SLC38A6: variants seen among roughly 807,000 people sequenced by gnomAD.
SLC38A6 encodes N system amino acid transporter NAT-1.
A neutral mutation model predicts 65.0 loss-of-function variants in SLC38A6; 73 were observed. The ratio of observed to expected loss-of-function variants is 1.12; its 90% CI spans 0.93 to 1.37. The LOEUF is 1.37. Ranked by LOEUF, SLC38A6 falls within the 40% of genes most tolerant of loss-of-function variation. SLC38A6 has a pLI of 0.00. For missense variants in SLC38A6, 561 were observed against 531.1 expected (o/e 1.06, Z -0.55); for synonymous variants, 183 against 178.8 (o/e 1.02, Z -0.19).
intron 15 of SLC38A6, among the ~76,000 whole-genome samples, chr14:61,077,285 C>T (rs2043454965): frequency 6.6e-6 from 1 of 152,138 alleles, no homozygotes; most frequent in African/African-American, 2.4e-5. Flanking sequence ...GTAAAGATTT[C>T]TTCACTTCTA....
intron 3 of SLC38A6, among the ~76,000 whole-genome samples, chr14:61,003,557 T>A (rs1338651136): frequency 6.6e-6 from 1 of 152,218 alleles, no homozygotes; most frequent in Admixed American, 6.5e-5. Flanking sequence ...ATTTCAACAG[T>A]CAATACCAGT....
chr14:61,029,973 C>T (rs1165609045), intron 5 of SLC38A6, among the ~76,000 whole-genome samples: 1 of 152,108 alleles, frequency 6.6e-6, no homozygotes, highest in Non-Finnish European at 1.5e-5. Context: ...AATGAGACTT[C>T]TCTGTTGTGG....
chr14:61,044,053 T>C (rs1407152561), intron 10 of SLC38A6, among the ~76,000 whole-genome samples: 1 of 152,112 alleles, frequency 6.6e-6, no homozygotes, highest in Non-Finnish European at 1.5e-5. Context: ...ATACTGGAAA[T>C]GCCTGTAAGA....
chr14:61,074,374 A>G (rs11623321), intron 15 of SLC38A6, among the ~76,000 whole-genome samples: 73 of 152,336 alleles, frequency 4.8e-4, no homozygotes, highest in Admixed American at 1.5e-3. Flanking sequence ...ATAGCTCTGG[A>G]AGCTGGGAAG....
chr14:60,995,226 CTAAG>C (rs959855852), intron 3 of SLC38A6, among the ~76,000 whole-genome samples: 1 of 152,150 alleles, frequency 6.6e-6, no homozygotes, highest in Non-Finnish European at 1.5e-5. Context: ...GAGAAACAAC[CTAAG>C]TGTCAGTAAG....
intron 3 of SLC38A6, among the ~76,000 whole-genome samples, chr14:61,012,220 G>A (rs1041063546): frequency 5.9e-5 from 9 of 152,090 alleles, no homozygotes; most frequent in East Asian, 1.9e-4. Flanking sequence ...CTGTGGGATC[G>A]GTGGTGATAT....
intron 3 of SLC38A6, among the ~76,000 whole-genome samples, chr14:60,989,449 T>A: frequency 6.6e-6 from 1 of 152,164 alleles, no homozygotes; most frequent in South Asian, 2.1e-4. Flanking sequence ...CCAGGCCAGG[T>A]GTGGTGTCTC....
intron 15 of SLC38A6, among the ~76,000 whole-genome samples, chr14:61,070,748 C>T (rs773381688): frequency 1.4e-4 from 22 of 152,144 alleles, no homozygotes; most frequent in Non-Finnish European, 1.6e-4. Flanking sequence ...TAATGATCAT[C>T]CTAACAGGTG....
chr14:61,053,708 A>G (rs1479509205), downstream of SLC38A6, among the ~76,000 whole-genome samples: 2 of 152,118 alleles, frequency 1.3e-5, no homozygotes, highest in African/African-American at 2.4e-5. Flanking sequence ...GTGTCTGTTC[A>G]TGTCCTTTGC....
At chr14:61,027,493 T>A (rs1035690245) in intron 5 of SLC38A6, among the ~76,000 whole-genome samples, 1 of 152,164 alleles carries the variant, frequency 6.6e-6, no homozygotes, top group African/African-American at 2.4e-5. Context: ...CACTTTCTTA[T>A]GCCATTTATA....
intron 3 of SLC38A6, among the ~76,000 whole-genome samples, chr14:61,007,788 T>A (rs1408957829): frequency 3.3e-5 from 5 of 152,068 alleles, no homozygotes; most frequent in Non-Finnish European, 7.4e-5. Context: ...AATTAGAAAA[T>A]GATATGTACA....
intron 3 of SLC38A6, among the ~76,000 whole-genome samples, chr14:61,005,911 T>TA (rs1375261684): frequency 1.3e-5 from 2 of 152,150 alleles, no homozygotes; most frequent in Non-Finnish European, 2.9e-5. Context: ...GGCATCACGC[T>TA]ACCTGACTTC....
At chr14:61,013,781 T>A (rs2139511663) in intron 3 of SLC38A6, among the ~76,000 whole-genome samples, 1 of 152,316 alleles carries the variant, frequency 6.6e-6, no homozygotes, top group South Asian at 2.1e-4. Flanking sequence ...CTTCCCATTG[T>A]GGGTAACCCG....
At chr14:61,068,490 C>G (rs2043106798) in intron 15 of SLC38A6, among the ~76,000 whole-genome samples, 1 of 152,142 alleles carries the variant, frequency 6.6e-6, no homozygotes, top group African/African-American at 2.4e-5. Context: ...GGCCTTTCTG[C>G]CCCTGGAACA....
intron 15 of SLC38A6, among the ~76,000 whole-genome samples, chr14:61,068,288 C>T (rs1451750756): frequency 6.6e-6 from 1 of 152,184 alleles, no homozygotes; most frequent in African/African-American, 2.4e-5. Context: ...CTGCTACCTA[C>T]AGTCCACTTT....
downstream of SLC38A6, among the ~76,000 whole-genome samples, chr14:61,054,658 T>C (rs991197526): frequency 6.6e-6 from 1 of 152,222 alleles, no homozygotes; most frequent in African/African-American, 2.4e-5. Flanking sequence ...ATTGTCTGAT[T>C]TGGCTCTCAG....
At chr14:60,998,299 C>T (rs1042556693) in intron 3 of SLC38A6, among the ~76,000 whole-genome samples, 25 of 151,798 alleles carry the variant, frequency 1.6e-4, no homozygotes, top group African/African-American at 6.1e-4. Context: ...ATCCTGTACC[C>T]ATATAAACCC....
chr14:61,082,101 A>G (rs1306324517), intron 16 of SLC38A6, among the ~76,000 whole-genome samples: 1 of 152,006 alleles, frequency 6.6e-6, no homozygotes, highest in Admixed American at 6.6e-5. Flanking sequence ...GCATCCCCAC[A>G]CTTCCTAACA....
chr14:61,017,413 C>A (rs10146076), intron 4 of SLC38A6, among the ~76,000 whole-genome samples: 152,247 of 152,330 alleles, frequency 1, 76,083 homozygotes, highest in Non-Finnish European at 1. Context: ...GGACCTTAGT[C>A]ACCTGAAACT....
Sources: allele counts gnomAD v4.1 joint callset (sites outside exome capture counted in the v4.1 genomes callset), GRCh38; gene constraint gnomAD v4.1.1; transcripts MANE v1.5; gene names NCBI Gene and HGNC (gene_info 2026-07-23, HGNC 2026-07-21).